Variants in GALNT13 observed in about 807,000 individuals in gnomAD.
GALNT13 encodes the protein polypeptide N-acetylgalactosaminyltransferase 13, also known as UDP-GalNAc:polypeptide N-acetylgalactosaminyltransferase 13.
In GALNT13, 28 loss-of-function variants were observed where a neutral mutation model predicts 64.2. That is an observed-to-expected ratio of 0.44 (90% confidence interval 0.32 to 0.60). GALNT13 has a LOEUF of 0.60. GALNT13 is among the 20% of genes least tolerant of loss of function. The pLI, the probability that GALNT13 is intolerant of heterozygous loss-of-function variation, is 0.05. For synonymous variants in GALNT13, 214 were observed against 224.6 expected (o/e 0.95, Z 0.42); for missense variants, 577 against 669.8 (o/e 0.86, Z 1.53).
the GALNT13 span, among the ~76,000 whole-genome samples, chr2:153,432,939 T>C: frequency 6.6e-6 from 1 of 152,072 alleles, no homozygotes; most frequent in Non-Finnish European, 1.5e-5. Flanking sequence ...ATTTTTGCAG[T>C]GTCTTTTATT....
chr2:153,379,397 C>T, the GALNT13 span, among the ~76,000 whole-genome samples: 2 of 152,072 alleles, frequency 1.3e-5, no homozygotes, highest in African/African-American at 4.8e-5. Context: ...AAGAACCTGC[C>T]AGTTGATTTA....
the GALNT13 span, among the ~76,000 whole-genome samples, chr2:153,334,385 A>G: frequency 6.6e-6 from 1 of 152,212 alleles, no homozygotes; most frequent in Non-Finnish European, 1.5e-5. Context: ...GTTTATATAT[A>G]GTACAACTGA....
the GALNT13 span, among the ~76,000 whole-genome samples, chr2:153,222,322 G>GGGT: frequency 6.9e-6 from 1 of 144,992 alleles, no homozygotes; most frequent in Non-Finnish European, 1.6e-5. Context: ...GGGGGGGGGG[G>GGGT]GGGGTGGGGT....
chr2:153,832,769 C>A, the GALNT13 span, among the ~76,000 whole-genome samples: 1 of 152,092 alleles, frequency 6.6e-6, no homozygotes, highest in East Asian at 1.9e-4. Context: ...GATAGACAAA[C>A]CTTTCCTGTA....
the GALNT13 span, among the ~76,000 whole-genome samples, chr2:153,445,868 A>G: frequency 6.6e-6 from 1 of 152,150 alleles, no homozygotes; most frequent in Non-Finnish European, 1.5e-5. Context: ...TCTCATCACT[A>G]TCTTTTAACA....
chr2:153,980,980 T>C (rs934415025), intron 3 of GALNT13, among the ~76,000 whole-genome samples: 1 of 152,146 alleles, frequency 6.6e-6, no homozygotes, highest in Non-Finnish European at 1.5e-5. Context: ...TCAAATGATA[T>C]TTTATTCATT....
chr2:153,440,278 A>G, the GALNT13 span, among the ~76,000 whole-genome samples: 1 of 152,014 alleles, frequency 6.6e-6, no homozygotes, highest in African/African-American at 2.4e-5. Context: ...AAGGACATGA[A>G]CTCATCCTTT....
At position 154,035,341 on chromosome 2, in the gene GALNT13, G is replaced by T. The variant is rs549975790; in HGVS notation, c.142+90702G>T. Among the ~76,000 whole-genome samples, 807 of 152,096 alleles carry T rather than the reference G, an allele frequency of 5.3e-3. 5 individuals carry two copies. Among genetic ancestry groups the T allele is most frequent in the African/African-American group, 0.018 (761 of 41,542 alleles). ...GCTTAATTATTTTTATGTGGTATAA[G>T]TATTTATTAGAAATCAAATGGACGT... is the stretch of plus-strand genomic sequence containing the variant. On this transcript the variant is annotated intron_variant, in intron 3 of 12. Transcript: ENST00000392825.
the GALNT13 span, among the ~76,000 whole-genome samples, chr2:153,589,271 C>T: frequency 9.2e-5 from 14 of 152,326 alleles, no homozygotes; most frequent in Admixed American, 9.2e-4. Context: ...ACAGAGTTAC[C>T]TTTGCTTCAG....
chr2:154,227,263 G>A (rs1471643743), intron 4 of GALNT13, among the ~76,000 whole-genome samples: 1 of 152,034 alleles, frequency 6.6e-6, no homozygotes, highest in East Asian at 1.9e-4. Context: ...TGGATACAAA[G>A]GCTTCATTTG....
chr2:154,431,441 G>GA (rs148847755), intron 11 of GALNT13, among the ~76,000 whole-genome samples: 8 of 151,750 alleles, frequency 5.3e-5, no homozygotes, highest in Non-Finnish European at 1.2e-4. Flanking sequence ...ATACAACTGG[G>GA]AAAAAAAATG....
intron 11 of GALNT13, chr2:154,437,351 G>A (rs1259242795): frequency 3.9e-6 from 1 of 256,176 alleles, no homozygotes; most frequent in Non-Finnish European, 7.5e-6. Flanking sequence ...AGACTAACTC[G>A]TTCAGCTTAC....
the GALNT13 span, among the ~76,000 whole-genome samples, chr2:153,571,111 T>C: frequency 6.6e-6 from 1 of 152,202 alleles, no homozygotes; most frequent in Admixed American, 6.5e-5. Flanking sequence ...ATTCCATTTT[T>C]TGGTGTCCCC....
chr2:153,379,269 C>T, the GALNT13 span, among the ~76,000 whole-genome samples: 2,294 of 152,212 alleles, frequency 0.015, 59 homozygotes, highest in African/African-American at 0.052. Flanking sequence ...ATGTATATTC[C>T]ATCTGGCTCA....
chr2:153,536,861 C>T, the GALNT13 span, among the ~76,000 whole-genome samples: 11 of 152,108 alleles, frequency 7.2e-5, no homozygotes, highest in Admixed American at 7.2e-4. Flanking sequence ...CAATAAAATA[C>T]ATTAAATTAT....
At chr2:153,408,990 C>CT in the GALNT13 span, among the ~76,000 whole-genome samples, 3,962 of 152,128 alleles carry the variant, frequency 0.026, 169 homozygotes, top group African/African-American at 0.089. Context: ...GTCTTCTGGC[C>CT]TTTATCTTTC....
the GALNT13 span, among the ~76,000 whole-genome samples, chr2:153,723,568 C>T: frequency 6.6e-6 from 1 of 151,350 alleles, no homozygotes; most frequent in Non-Finnish European, 1.5e-5. Context: ...TCGTCTCAGC[C>T]CAAAATCTCC....
intron 9 of GALNT13, among the ~76,000 whole-genome samples, chr2:154,381,212 A>G (rs983874743): frequency 2.6e-5 from 4 of 152,192 alleles, no homozygotes; most frequent in African/African-American, 9.6e-5. Flanking sequence ...ACAAGTAAAC[A>G]ATCCTTGGAA....
chr2:153,197,613 A>T, the GALNT13 span, among the ~76,000 whole-genome samples: 1 of 152,326 alleles, frequency 6.6e-6, no homozygotes, highest in African/African-American at 2.4e-5. Flanking sequence ...TGTCATAAGC[A>T]CAGTGGACCA....
Sources: gnomAD v4.1 joint callset for allele counts (sites outside exome capture counted in the v4.1 genomes callset) on GRCh38, gnomAD v4.1.1 for gene constraint, MANE v1.5 for transcripts, NCBI Gene and HGNC (gene_info 2026-07-23, HGNC 2026-07-21) for gene names.